DACH2: variants seen among roughly 807,000 people sequenced by gnomAD.
The protein encoded by DACH2 is dachshund homolog 2.
A neutral mutation model predicts 35.8 loss-of-function variants in DACH2; 17 were observed. That is an observed-to-expected ratio of 0.48 (90% confidence interval 0.33 to 0.71). The LOEUF is 0.71. Among genes scored for constraint, DACH2 ranks in the 30% least tolerant of loss-of-function variants. The pLI is 0.02. For synonymous variants in DACH2, 195 were observed against 177.3 expected (o/e 1.10, Z -0.79); for missense variants, 469 against 472.7 (o/e 0.99, Z 0.07).
intron 3 of DACH2, among the ~76,000 whole-genome samples, chrX:86,553,539 C>T (rs1602638928): frequency 8.9e-6 from 1 of 111,758 alleles, no homozygotes; most frequent in Non-Finnish European, 1.9e-5. Flanking sequence ...ACAAGTTCAC[C>T]TCTTGTCAAC....
At chrX:86,432,161 C>T (rs1250997595) in intron 2 of DACH2, among the ~76,000 whole-genome samples, 1 of 112,113 alleles carries the variant, frequency 8.9e-6, no homozygotes, top group Non-Finnish European at 1.9e-5. Flanking sequence ...TACAAAGTCC[C>T]CAAAGTCAGC....
At chrX:86,355,141 G>A (rs2035621696) in intron 1 of DACH2, among the ~76,000 whole-genome samples, 1 of 111,522 alleles carries the variant, frequency 9.0e-6, no homozygotes, top group South Asian at 3.8e-4. Context: ...CCACTTATAC[G>A]TGAACATACG....
At chrX:86,268,826 G>T (rs1465644769) in intron 1 of DACH2, among the ~76,000 whole-genome samples, 1 of 110,729 alleles carries the variant, frequency 9.0e-6, no homozygotes, top group African/African-American at 3.3e-5. Flanking sequence ...GACTCACCGA[G>T]CCTGGACAAT....
intron 2 of DACH2, among the ~76,000 whole-genome samples, chrX:86,464,220 C>T (rs900687868): frequency 3.6e-5 from 4 of 111,480 alleles, no homozygotes; most frequent in African/African-American, 1.3e-4. Flanking sequence ...CACACACACA[C>T]GTATGTTTAT....
chrX:86,310,797 C>T (rs2034784866), intron 1 of DACH2, among the ~76,000 whole-genome samples: 1 of 111,122 alleles, frequency 9.0e-6, no homozygotes, highest in Non-Finnish European at 1.9e-5. Context: ...ATTTGTATCC[C>T]ATGTGAATGC....
chrX:86,656,135 A>G (rs1396643015), intron 4 of DACH2, among the ~76,000 whole-genome samples: 1 of 108,965 alleles, frequency 9.2e-6, no homozygotes, highest in East Asian at 2.9e-4. Context: ...ATTCCCCTGG[A>G]CAGTCATTTT....
intron 7 of DACH2, among the ~76,000 whole-genome samples, chrX:86,799,594 A>T (rs1569483558): frequency 1.8e-5 from 2 of 111,995 alleles, no homozygotes; most frequent in Non-Finnish European, 1.9e-5. Flanking sequence ...TGAAGACTTC[A>T]GGCTCAAACT....
At chrX:86,628,069 C>G (rs1181915741) in intron 3 of DACH2, among the ~76,000 whole-genome samples, 1 of 112,052 alleles carries the variant, frequency 8.9e-6, no homozygotes, top group Non-Finnish European at 1.9e-5. Context: ...TTTCCTCCTC[C>G]TGCTGTTGTC....
At chrX:86,622,388 T>A (rs965109365) in intron 3 of DACH2, among the ~76,000 whole-genome samples, 1 of 111,763 alleles carries the variant, frequency 8.9e-6, no homozygotes, top group African/African-American at 3.2e-5. Flanking sequence ...ATCTTCAATT[T>A]TTTTCTTCTA....
intron 3 of DACH2, among the ~76,000 whole-genome samples, chrX:86,515,332 T>G (rs2038452023): frequency 9.0e-6 from 1 of 110,539 alleles, no homozygotes; most frequent in Non-Finnish European, 1.9e-5. Flanking sequence ...GTAAGTTGGG[T>G]AATACTCCAT....
chrX:86,244,545 T>A (rs1373677508), intron 1 of DACH2, among the ~76,000 whole-genome samples: 2 of 111,529 alleles, frequency 1.8e-5, no homozygotes, highest in Non-Finnish European at 3.8e-5. Context: ...GCCCTTAAGT[T>A]TGACACTGCA....
chrX:86,372,307 C>T (rs965226312), intron 1 of DACH2, among the ~76,000 whole-genome samples: 1 of 110,745 alleles, frequency 9.0e-6, no homozygotes, highest in African/African-American at 3.3e-5. Context: ...ATTTAGCACT[C>T]TTAGTGCACC....
chrX:86,485,585 A>G (rs1246532181), intron 2 of DACH2, among the ~76,000 whole-genome samples: 2 of 111,887 alleles, frequency 1.8e-5, no homozygotes, highest in Admixed American at 1.9e-4. Context: ...TATGATCATT[A>G]CACTATGTAT....
chrX:86,423,646 A>G (rs1169779231), intron 2 of DACH2, among the ~76,000 whole-genome samples: 3 of 109,717 alleles, frequency 2.7e-5, no homozygotes, highest in African/African-American at 6.6e-5. Flanking sequence ...TTTACTATGC[A>G]GAAGCTTTTT....
Position 86,724,968 on chromosome X carries a change from C to G in DACH2, c.1104+10248C>G, listed in dbSNP as rs1371672773. Among the ~76,000 whole-genome samples the G allele has an allele frequency of 2.8e-5, 3 of 107,847 alleles. No individual in the cohort carries two copies. In the Admixed American group the frequency reaches 3.0e-4, roughly 11 times the overall value. The allele number at this position is 107,847 out of a possible 115,157, so 93.7% of individuals were successfully genotyped here. A position where few individuals can be genotyped will look rare whatever the true frequency, so the allele number is the denominator to read the frequency against. ...TCCTTCTGCTTGGTCTTGTCTATCA[C>G]TGAAATATTCAAATGTACTTTATAT... is the stretch of plus-strand genomic sequence containing the variant. On this transcript the variant is annotated intron_variant, in intron 6 of 11. Transcript: ENST00000373125.
chrX:86,695,054 T>C lies in DACH2; in HGVS notation c.806T>C (p.Met269Thr). The C allele has an allele frequency of 8.8e-7, 1 of 1,133,700 alleles. No homozygotes were observed. Among genetic ancestry groups the C allele is most frequent in the Non-Finnish European group, 1.2e-6 (1 of 855,152 alleles). 93.4% of individuals were successfully genotyped at this position (1,133,700 alleles called of 1,213,427 possible). ...GSESSWDKDKMQSPFAAPGPQ... is the reference protein window; with the variant it reads ...GSESSWDKDKTQSPFAAPGPQ... The stretch of plus-strand genomic sequence containing the variant: ...GAATCCTCCTGGGATAAAGATAAGA[T>C]GCAGTCTCCATTTGCTGCACCTGGA... Residue 269 changes from methionine (M) to threonine (T), a missense_variant, in exon 5 of 12, where the codon ATG (methionine) becomes ACG (threonine). By Grantham distance (81) the Met-to-Thr change is moderately conservative. Transcript: ENST00000373125.
At chrX:86,639,700 G>T (rs2040322297) in intron 3 of DACH2, among the ~76,000 whole-genome samples, 1 of 111,436 alleles carries the variant, frequency 9.0e-6, no homozygotes, top group Non-Finnish European at 1.9e-5. Flanking sequence ...ACCTCCCTAA[G>T]AAGGAGCTCC....
intron 6 of DACH2, among the ~76,000 whole-genome samples, chrX:86,723,336 T>TG (rs1267447114): frequency 9.1e-6 from 1 of 109,295 alleles, no homozygotes; most frequent in African/African-American, 3.3e-5. Flanking sequence ...TTCTGCTAAT[T>TG]TTTTTTTTTT....
chrX:86,589,175 C>G (rs1235266897), intron 3 of DACH2, among the ~76,000 whole-genome samples: 1 of 111,091 alleles, frequency 9.0e-6, no homozygotes, highest in Non-Finnish European at 1.9e-5. Flanking sequence ...TCTTCTCATT[C>G]TTTGTTAATC....
Sources: gnomAD v4.1 joint callset for allele counts (sites outside exome capture counted in the v4.1 genomes callset) on GRCh38, gnomAD v4.1.1 for gene constraint, MANE v1.5 for transcripts, NCBI Gene and HGNC (gene_info 2026-07-23, HGNC 2026-07-21) for gene names.